The following ASCC3 variants were observed in gnomAD, a reference collection of about 807,000 sequenced individuals.
The protein encoded by ASCC3 is ASC-1 complex subunit P200.
Under a neutral mutation model 256.3 loss-of-function variants are expected in ASCC3, and 158 were observed. The observed-to-expected ratio is 0.62, with a 90% CI of 0.54 to 0.70. ASCC3 has a LOEUF of 0.70. Among genes scored for constraint, ASCC3 ranks in the 30% least tolerant of loss-of-function variants. The pLI is 0.00. For missense variants in ASCC3, 2,259 were observed against 2,626.0 expected, an observed-to-expected ratio of 0.86 and a Z score of 3.05; for synonymous variants, 948 against 883.4, an observed-to-expected ratio of 1.07 and a Z score of -1.30.
Position 100,508,388 on chromosome 6 carries a change from T to C in ASCC3, c.*998A>G, listed in dbSNP as rs1471171300. 3.3e-5 allele frequency: 5 copies of C among 152,170 alleles called. No homozygotes were observed. Among genetic ancestry groups the C allele is most frequent in the Non-Finnish European group, 7.4e-5 (5 of 68,008 alleles). 9.4% of individuals were successfully genotyped at this position (152,170 alleles called of 1,614,324 possible). ...TTTCATTCCACTAGAATGCATATTATATGAACATTGAATTTTAACAAGTTT... is the reference window on the plus strand; with the variant it reads ...TTTCATTCCACTAGAATGCATATTACATGAACATTGAATTTTAACAAGTTT... On this transcript the variant is annotated 3_prime_UTR_variant, in exon 42 of 42. Coordinates refer to ENST00000369162, the MANE Select transcript of ASCC3 (RefSeq NM_006828.4).
intron 1 of ASCC3, among the ~76,000 whole-genome samples, chr6:100,880,625 C>T (rs954167071): frequency 1.3e-5 from 2 of 152,138 alleles, no homozygotes; most frequent in African/African-American, 4.8e-5. Flanking sequence ...ACCCACAATC[C>T]ATCACGGTCA....
chr6:100,807,551 T>C (rs955649695), intron 4 of ASCC3, among the ~76,000 whole-genome samples: 3 of 151,924 alleles, frequency 2.0e-5, no homozygotes, highest in African/African-American at 7.2e-5. Flanking sequence ...TCTGGTGACA[T>C]TTGTACTGAT....
chr6:100,735,267 G>A (rs1341518529), intron 10 of ASCC3, among the ~76,000 whole-genome samples: 6 of 151,904 alleles, frequency 3.9e-5, no homozygotes, highest in Non-Finnish European at 8.8e-5. Context: ...ATATTACCCC[G>A]ATTTCATTTA....
chr6:100,656,096 T>C (rs553938928), intron 16 of ASCC3, among the ~76,000 whole-genome samples: 1 of 151,854 alleles, frequency 6.6e-6, no homozygotes, highest in Non-Finnish European at 1.5e-5. Context: ...AGTTTAATTC[T>C]ACATAGCATT....
At chr6:100,702,972 T>C (rs1778417372) in intron 13 of ASCC3, among the ~76,000 whole-genome samples, 1 of 152,152 alleles carries the variant, frequency 6.6e-6, no homozygotes, top group South Asian at 2.1e-4. Flanking sequence ...TTCCTGTTCT[T>C]GAATTAGGCA....
intron 25 of ASCC3, among the ~76,000 whole-genome samples, chr6:100,632,038 T>C (rs1774573354): frequency 6.6e-6 from 1 of 151,770 alleles, no homozygotes; most frequent in Non-Finnish European, 1.5e-5. Context: ...TATTTTAGTG[T>C]GATGTACTCA....
chr6:100,661,781 C>T lies in ASCC3; in HGVS notation c.2703+25G>A. On this transcript the variant is annotated intron_variant, in intron 16 of 41. Transcript: ENST00000369162. ...ATTCTTAAGGCTGATGATTCTATTC[C>T]AAACTTTTACTCATTAGATCTTACC... The T allele has an allele frequency of 2.5e-6, 4 of 1,604,924 alleles. No homozygotes were observed. In the South Asian group the frequency reaches 4.4e-5, roughly 18 times the overall value.
chr6:100,774,473 C>A (rs1484834294), intron 8 of ASCC3, among the ~76,000 whole-genome samples: 1 of 147,320 alleles, frequency 6.8e-6, no homozygotes, highest in Non-Finnish European at 1.5e-5. Flanking sequence ...TCAAGCAATT[C>A]TCCTGCCTCA....
chr6:100,856,535 A>C (rs9386259), intron 3 of ASCC3: 132,228 of 637,990 alleles, frequency 0.21, 14,634 homozygotes, highest in East Asian at 0.48. Flanking sequence ...AGTTCAAAGA[A>C]TTATCAAAAA....
chr6:100,677,881 C>T (rs1390459935), intron 14 of ASCC3, among the ~76,000 whole-genome samples: 1 of 151,888 alleles, frequency 6.6e-6, no homozygotes, highest in African/African-American at 2.4e-5. Flanking sequence ...CAAAACTTTC[C>T]GTTTCTCTGT....
At chr6:100,636,580 T>G (rs978327308) in intron 25 of ASCC3, among the ~76,000 whole-genome samples, 3 of 152,146 alleles carry the variant, frequency 2.0e-5, no homozygotes, top group African/African-American at 7.2e-5. Context: ...TAGAAATGAT[T>G]AAGCTTAGGG....
At chr6:100,701,392 T>C (rs968172709) in intron 13 of ASCC3, among the ~76,000 whole-genome samples, 8 of 152,108 alleles carry the variant, frequency 5.3e-5, no homozygotes, top group African/African-American at 1.9e-4. Context: ...CCATGTAAGA[T>C]GTGACTTGCT....
chr6:100,534,286 C>CA (rs1235849115), intron 37 of ASCC3, among the ~76,000 whole-genome samples: 5 of 152,150 alleles, frequency 3.3e-5, no homozygotes, highest in African/African-American at 1.2e-4. Context: ...ACCAAACAAA[C>CA]AAAAAATACA....
chr6:100,777,139 T>C (rs1361994521), intron 8 of ASCC3, among the ~76,000 whole-genome samples: 1 of 152,160 alleles, frequency 6.6e-6, no homozygotes, highest in East Asian at 1.9e-4. Flanking sequence ...TTTAACATAC[T>C]TGAGTATTCA....
intron 25 of ASCC3, among the ~76,000 whole-genome samples, chr6:100,632,600 G>T (rs914550804): frequency 6.6e-6 from 1 of 152,060 alleles, no homozygotes; most frequent in African/African-American, 2.4e-5. Context: ...ATAACAGTGT[G>T]GAAGTATGGA....
chr6:100,699,552 T>C (rs192496626), intron 13 of ASCC3, among the ~76,000 whole-genome samples: 120 of 151,326 alleles, frequency 7.9e-4, no homozygotes, highest in Non-Finnish European at 1.4e-3. Flanking sequence ...GAGGTGCTAC[T>C]GAAAAGATAC....
At chr6:100,566,277 AT>A (rs1770243924) in intron 36 of ASCC3, among the ~76,000 whole-genome samples, 1 of 152,170 alleles carries the variant, frequency 6.6e-6, no homozygotes, top group South Asian at 2.1e-4. Flanking sequence ...ATAATCACAC[AT>A]TTTTTAATGA....
intron 4 of ASCC3, among the ~76,000 whole-genome samples, chr6:100,806,854 T>TA (rs1770209965): frequency 6.6e-6 from 1 of 151,956 alleles, no homozygotes; most frequent in Non-Finnish European, 1.5e-5. Flanking sequence ...CAGTACTTTT[T>TA]ATTGAACACA....
At chr6:100,525,325 G>A (rs923317548) in intron 37 of ASCC3, among the ~76,000 whole-genome samples, 1 of 151,782 alleles carries the variant, frequency 6.6e-6, no homozygotes, top group African/African-American at 2.4e-5. Context: ...ATGCCAAAAT[G>A]AGAAAAATTA....
Sources: gnomAD v4.1 joint callset for allele counts (sites outside exome capture counted in the v4.1 genomes callset) on GRCh38, gnomAD v4.1.1 for gene constraint, MANE v1.5 for transcripts, NCBI Gene and HGNC (gene_info 2026-07-23, HGNC 2026-07-21) for gene names.